The following TRPC7 variants were observed in gnomAD, a reference collection of about 807,000 sequenced individuals.
TRPC7 encodes the protein transient receptor potential cation channel subfamily C member 7.
TRPC7 carries 42 observed loss-of-function variants against 90.1 expected under a neutral mutation model. The observed-to-expected ratio is 0.47, with a 90% CI of 0.36 to 0.60. TRPC7 has a LOEUF of 0.60. Among genes scored for constraint, TRPC7 ranks in the 20% least tolerant of loss-of-function variants. The pLI, the probability that TRPC7 is intolerant of heterozygous loss-of-function variation, is 0.00. For missense variants in TRPC7, 955 were observed against 1,112.3 expected (o/e 0.86, Z 2.01); for synonymous variants, 451 against 436.3 (o/e 1.03, Z -0.42).
intron 3 of TRPC7, among the ~76,000 whole-genome samples, chr5:136,303,367 G>A (rs534352350): frequency 9.9e-5 from 15 of 151,976 alleles, no homozygotes; most frequent in Non-Finnish European, 1.6e-4. Flanking sequence ...ATTAAATTCC[G>A]GCCCTCAAAC....
intron 3 of TRPC7, among the ~76,000 whole-genome samples, chr5:136,304,770 C>T (rs181929140): frequency 6.6e-6 from 1 of 152,288 alleles, no homozygotes; most frequent in Admixed American, 6.5e-5. Context: ...AACACACGTG[C>T]TCTCCCTGCT....
rs113132469 is a variant in TRPC7, at chr5:136,232,647, G to T, written c.1845-1098C>A. On this transcript the variant is annotated intron_variant, in intron 7 of 11. Transcript: ENST00000513104. Reference sequence around the variant, plus strand: ...GCCCTTTTGAGACTACGAAGTAACTGAAATACAGTAGTGTTATGAATAAGA... The same window carrying T: ...GCCCTTTTGAGACTACGAAGTAACTTAAATACAGTAGTGTTATGAATAAGA... Among the ~76,000 whole-genome samples the T allele has an allele frequency of 7.4e-4, 113 of 152,332 alleles. 2 individuals are homozygous for T. The highest frequency in any genetic ancestry group is 2.6e-3 in the African/African-American group (108 of 41,580).
chr5:136,271,606 G>C (rs1757213971), intron 4 of TRPC7, among the ~76,000 whole-genome samples: 1 of 152,246 alleles, frequency 6.6e-6, no homozygotes, highest in Non-Finnish European at 1.5e-5. Flanking sequence ...CCTAACTGCT[G>C]TGCATCCATA....
intron 7 of TRPC7, among the ~76,000 whole-genome samples, chr5:136,240,810 T>G (rs912561736): frequency 1.3e-5 from 2 of 152,196 alleles, no homozygotes; most frequent in African/African-American, 4.8e-5. Flanking sequence ...GTATTTGTAT[T>G]ATTCCACTGT....
rs146065898 is a variant in TRPC7, at chr5:136,359,515, G to A, written c.3-2130C>T. On this transcript the variant is annotated intron_variant, in intron 1 of 11. Transcript: ENST00000513104. ...GAATTCAAATTCATGAGATCCTTCT[G>A]AGCCCATTCCTTTCAACAATGCCAT... is the stretch of plus-strand genomic sequence containing the variant. Among the ~76,000 whole-genome samples the A allele has an allele frequency of 4.6e-5, 7 of 152,238 alleles. No homozygotes were observed. In the East Asian group the frequency reaches 1.4e-3, roughly 29 times the overall value.
rs552502479 is a variant in TRPC7 at position 136,257,465 on chromosome 5, GCCA to G, written c.1346-5586_1346-5584del. 3.3e-4 allele frequency among the ~76,000 whole-genome samples: 50 copies of G among 152,284 alleles called. No individual in the cohort carries two copies. In the East Asian group the frequency reaches 9.7e-3, roughly 29 times the overall value. The stretch of plus-strand genomic sequence containing the variant: ...CAAAGTGCTGGGATTGCAGGCATGA[GCCA>G]CCACTTCCGGCCTGAAATGTTTTCC... On this transcript the variant is annotated intron_variant, in intron 5 of 11. Coordinates refer to ENST00000513104, the MANE Select transcript of TRPC7 (RefSeq NM_020389.3).
At chr5:136,242,101 G>A (rs967867506) in intron 7 of TRPC7, among the ~76,000 whole-genome samples, 6 of 152,140 alleles carry the variant, frequency 3.9e-5, no homozygotes, top group African/African-American at 1.4e-4. Context: ...TATGTCCCCA[G>A]TCACAAAATT....
chr5:136,219,873 T>C, intron 10 of TRPC7, among the ~76,000 whole-genome samples: 1 of 152,338 alleles, frequency 6.6e-6, no homozygotes, highest in Non-Finnish European at 1.5e-5. Context: ...CCAGAAAGCC[T>C]GAAATGGTTG....
intron 10 of TRPC7, 143 bp from the exon 11 acceptor site, chr5:136,216,418 G>A: frequency 1.5e-6 from 1 of 685,998 alleles, no homozygotes; most frequent in Non-Finnish European, 2.6e-6. Flanking sequence ...ACTCTGGAGG[G>A]GTGCCCTGCA....
intron 3 of TRPC7, among the ~76,000 whole-genome samples, chr5:136,281,180 CA>C (rs1757540154): frequency 6.6e-6 from 1 of 152,156 alleles, no homozygotes; most frequent in African/African-American, 2.4e-5. Context: ...GCCTATTCAT[CA>C]GCCAAGTCTC....
rs112190636 is a variant in TRPC7, at chr5:136,250,414, T to C, written c.1579+1235A>G. On this transcript the variant is annotated intron_variant, in intron 6 of 11. Coordinates refer to ENST00000513104, the MANE Select transcript of TRPC7 (RefSeq NM_020389.3). ...CATCTGGCTTCATGTAACAGGGACA[T>C]TCAACACTCAATCCCTTCAAGATGT... Among the ~76,000 whole-genome samples the C allele has an allele frequency of 8.2e-3, 1,245 of 152,354 alleles. 15 individuals carry two copies. The highest frequency in any genetic ancestry group is 0.021 in the African/African-American group (878 of 41,574).
intron 3 of TRPC7, among the ~76,000 whole-genome samples, chr5:136,305,792 C>A (rs1183823761): frequency 3.3e-5 from 5 of 152,320 alleles, no homozygotes; most frequent in Non-Finnish European, 7.3e-5. Context: ...ATATCCCTTA[C>A]AGTCCTCCAT....
intron 1 of TRPC7, among the ~76,000 whole-genome samples, chr5:136,362,696 G>A (rs555029676): frequency 6.6e-6 from 1 of 152,236 alleles, no homozygotes; most frequent in Admixed American, 6.5e-5. Context: ...TGCTTTGAAA[G>A]TTTGTGCTTT....
intron 2 of TRPC7, among the ~76,000 whole-genome samples, chr5:136,323,696 T>C (rs181925800): frequency 6.6e-6 from 1 of 152,348 alleles, no homozygotes; most frequent in Admixed American, 6.5e-5. Flanking sequence ...TATATGCTTA[T>C]CCTTTCACTA....
At position 136,226,034 on chromosome 5, in the gene TRPC7, C is replaced by T; in HGVS notation, c.2262G>A (p.Lys754=). Reference sequence around the variant, plus strand: ...GCCTCATAAACCACATGCTACCTACCTTGAATTTGGAATTCAGCATGCCCA... The same window carrying T: ...GCCTCATAAACCACATGCTACCTACTTTGAATTTGGAATTCAGCATGCCCA... ...LEMGMLNSKF[K]KTRYQAGMRN... Residue 754 remains lysine, a splice_region_variant and synonymous_variant, in exon 9 of 12, where the codon AAG becomes AAA. Transcript: ENST00000513104. The T allele has an allele frequency of 6.3e-7, 1 of 1,586,824 alleles. No homozygotes were observed. Among genetic ancestry groups the T allele is most frequent in the Non-Finnish European group, 8.6e-7 (1 of 1,165,032 alleles).
chr5:136,321,995 C>G (rs1176418470), intron 2 of TRPC7, among the ~76,000 whole-genome samples: 2 of 151,970 alleles, frequency 1.3e-5, no homozygotes, highest in Admixed American at 1.3e-4. Flanking sequence ...AAGAAGAAGG[C>G]TGCTATAAAT....
chr5:136,280,177 A>G (rs1017137221), intron 3 of TRPC7, among the ~76,000 whole-genome samples: 5 of 151,922 alleles, frequency 3.3e-5, no homozygotes, highest in African/African-American at 9.7e-5. Context: ...CAAACAAACA[A>G]ACAAAAAACA....
intron 3 of TRPC7, among the ~76,000 whole-genome samples, chr5:136,282,343 T>G (rs1757573289): frequency 6.6e-6 from 1 of 152,254 alleles, no homozygotes; most frequent in Non-Finnish European, 1.5e-5. Flanking sequence ...GATCCCTTTA[T>G]GATTCTAAAT....
intron 2 of TRPC7, among the ~76,000 whole-genome samples, chr5:136,327,168 G>T (rs533923521): frequency 1.3e-5 from 2 of 152,276 alleles, no homozygotes; most frequent in East Asian, 1.9e-4. Flanking sequence ...ATATATTGAG[G>T]TGCCAAGAAT....
Sources: gnomAD v4.1 joint callset for allele counts (sites outside exome capture counted in the v4.1 genomes callset) on GRCh38, gnomAD v4.1.1 for gene constraint, MANE v1.5 for transcripts, NCBI Gene and HGNC (gene_info 2026-07-23, HGNC 2026-07-21) for gene names.